Variants in COL5A1 observed in about 807,000 individuals in gnomAD.
COL5A1 encodes the protein collagen alpha-1(V) chain.
In COL5A1, 16 loss-of-function variants were observed where a neutral mutation model predicts 263.7. The ratio of observed to expected loss-of-function variants is 0.06; its 90% CI spans 0.04 to 0.09. The LOEUF is 0.09. COL5A1 is among the 10% of genes least tolerant of loss of function. The pLI, the probability that COL5A1 is intolerant of heterozygous loss-of-function variation, is 1.00. For missense variants in COL5A1, 2,036 were observed against 2,540.5 expected, an observed-to-expected ratio of 0.80 and a Z score of 4.27; for synonymous variants, 1,012 against 1,004.5, an observed-to-expected ratio of 1.01 and a Z score of -0.14.
In COL5A1 at chr9:134,759,477, CCA is replaced by C. The variant is rs547817958; in HGVS notation, c.1935+1189_1935+1190del. Among the ~76,000 whole-genome samples the C allele has an allele frequency of 1.5e-4, 15 of 102,766 alleles. 1 individual carries two copies. Among genetic ancestry groups the C allele is most frequent in the Non-Finnish European group, 2.3e-4 (13 of 55,908 alleles). The allele number at this position is 102,766 out of a possible 152,430, so 67.4% of individuals were successfully genotyped here. A position where few individuals can be genotyped will look rare whatever the true frequency, so the allele number is the denominator to read the frequency against. On this transcript the variant is annotated intron_variant, in intron 18 of 65. Transcript: ENST00000371817. Reference sequence around the variant, plus strand: ...CACTCATACATGCACGCACACACACCCACACACACCCACACTCATACACACAT... The same window carrying C: ...CACTCATACATGCACGCACACACACCCACACACCCACACTCATACACACAT...
At chr9:134,769,031 G>GT (rs1196686733) in intron 25 of COL5A1, among the ~76,000 whole-genome samples, 1 of 152,196 alleles carries the variant, frequency 6.6e-6, no homozygotes, top group Non-Finnish European at 1.5e-5. Context: ...GCGTGCACAC[G>GT]TGCGTGTACA....
rs886211499 is a variant in COL5A1, at chr9:134,738,770, A to G, written c.1456A>G (p.Met486Val). 12 of 1,613,642 alleles carry G rather than the reference A, an allele frequency of 7.4e-6. No homozygotes were observed. The highest frequency in any genetic ancestry group is 8.5e-6 in the Non-Finnish European group (10 of 1,179,680). Residue 486 changes from methionine to valine, a missense_variant, in exon 11 of 66, where the codon ATG (methionine) becomes GTG (valine). Physicochemically the swap from Met to Val is conservative, Grantham distance 21. Transcript: ENST00000371817. ...PAGLPGPPGT[M>V]GPTGQVGDPG... ...GGGTCTTCCCGGACCTCCAGGAACC[A>G]TGGGTCCCACTGGCCAAGTCGGGGA...
chr9:134,748,114 CACAG>C (rs761388640), intron 11 of COL5A1, among the ~76,000 whole-genome samples: 20 of 81,454 alleles, frequency 2.5e-4, no homozygotes, highest in East Asian at 4.3e-4. Flanking sequence ...CACATGCATA[CACAG>C]ACATGCATCC....
rs535416649 is a variant in COL5A1 at position 134,662,960 on chromosome 9, G to A, written c.109+20664G>A. Reference sequence around the variant, plus strand: ...TGCACAGCTACTGCCTGCTCTGTGAGCCTCCATGTTTGGAAATTTACTAAA... The same window carrying A: ...TGCACAGCTACTGCCTGCTCTGTGAACCTCCATGTTTGGAAATTTACTAAA... On this transcript the variant is annotated intron_variant, in intron 1 of 65. Transcript: ENST00000371817. Among the ~76,000 whole-genome samples, 5 of 152,326 alleles carry A rather than the reference G, an allele frequency of 3.3e-5. No individual in the cohort carries two copies. The East Asian group carries it at 9.6e-4, about 29-fold the overall frequency.
At chr9:134,781,884 G>A (rs1303780832) in intron 28 of COL5A1, among the ~76,000 whole-genome samples, 2 of 152,196 alleles carry the variant, frequency 1.3e-5, no homozygotes, top group East Asian at 3.9e-4. Flanking sequence ...GCCGGGCCTT[G>A]AATGTTTACG....
chr9:134,804,851 A>T (rs1333098426), intron 39 of COL5A1, 124 bp from the exon 40 acceptor site: 1 of 807,216 alleles, frequency 1.2e-6, no homozygotes, highest in African/African-American at 1.7e-5. Flanking sequence ...TCGCTCTGGG[A>T]CTGGTGAGAG....
chr9:134,750,398 A>T, intron 11 of COL5A1, 144 bp from the exon 12 acceptor site: 1 of 758,808 alleles, frequency 1.3e-6, no homozygotes, highest in Non-Finnish European at 2.3e-6. Context: ...TTTCTGAAAC[A>T]TTCCTGCCAC....
chr9:134,735,923 T>C (rs1035151588), intron 9 of COL5A1, among the ~76,000 whole-genome samples: 4 of 152,020 alleles, frequency 2.6e-5, no homozygotes, highest in African/African-American at 9.7e-5. Flanking sequence ...CAACCGGGAG[T>C]CCCCTCATCA....
intron 18 of COL5A1, among the ~76,000 whole-genome samples, chr9:134,760,914 C>T (rs1250813288): frequency 6.7e-6 from 1 of 150,350 alleles, no homozygotes; most frequent in African/African-American, 2.5e-5. Context: ...CACATGCACA[C>T]ACACACGTAC....
chr9:134,693,251 G>C (rs1242766826), intron 2 of COL5A1, among the ~76,000 whole-genome samples: 1 of 151,546 alleles, frequency 6.6e-6, no homozygotes, highest in Admixed American at 6.6e-5. Context: ...AGGTTACCGT[G>C]ACACAGTGAA....
chr9:134,730,502 G>A, intron 7 of COL5A1, 27 bp downstream of exon 7: 1 of 1,613,370 alleles, frequency 6.2e-7, no homozygotes, highest in Non-Finnish European at 8.5e-7. Flanking sequence ...CCATTGGTTT[G>A]GTCTGGGGCA....
intron 4 of COL5A1, among the ~76,000 whole-genome samples, chr9:134,719,762 G>A (rs995611660): frequency 6.6e-5 from 10 of 152,224 alleles, no homozygotes; most frequent in Admixed American, 1.3e-4. Flanking sequence ...GTAAGAGGAC[G>A]GAGGATGGGG....
chr9:134,763,882 C>T (rs1836557470), intron 20 of COL5A1, 145 bp downstream of exon 20: 1 of 797,004 alleles, frequency 1.3e-6, no homozygotes, highest in South Asian at 1.8e-5. Flanking sequence ...CTGGGCATCT[C>T]CCAGGGAAGC....
At chr9:134,810,535 G>C (rs1275786875) in intron 44 of COL5A1, 2 of 559,718 alleles carry the variant, frequency 3.6e-6, no homozygotes, top group Non-Finnish European at 6.3e-6. Context: ...AGCATCCACC[G>C]GTTTTGCGAA....
Position 134,805,525 on chromosome 9 carries a change from A to G in COL5A1, c.3258+311A>G, listed in dbSNP as rs564061435. ...GAGCAAGGAGAAAGCCTACACACCT[A>G]TCGTGGGTCTGGGCTGGGCCAGCAG... On this transcript the variant is annotated intron_variant, in intron 41 of 65. Coordinates refer to ENST00000371817, the MANE Select transcript of COL5A1 (RefSeq NM_000093.5). Among the ~76,000 whole-genome samples the G allele has an allele frequency of 7.2e-5, 11 of 152,088 alleles. No homozygotes were observed. The East Asian group carries it at 1.4e-3, about 19-fold the overall frequency.
intron 4 of COL5A1, among the ~76,000 whole-genome samples, chr9:134,710,560 G>GA (rs1833993932): frequency 7.5e-6 from 1 of 132,598 alleles, no homozygotes; most frequent in African/African-American, 2.8e-5. Context: ...GCAGTGGTGG[G>GA]GGGGCCCCAT....
rs903151049 is a variant in COL5A1 at position 134,681,492 on chromosome 9, G to C, written c.110-9420G>C. 6.6e-6 allele frequency among the ~76,000 whole-genome samples: 1 copy of C among 152,214 alleles called. No individual in the cohort carries two copies. The highest frequency in any genetic ancestry group is 2.4e-5 in the African/African-American group (1 of 41,456). ...GATATGGTTCCAGTGATGGGGCCAC[G>C]GGTGGGACCGGAATGGAGGCTGCCA... is the stretch of plus-strand genomic sequence containing the variant. On this transcript the variant is annotated intron_variant, in intron 1 of 65. Transcript: ENST00000371817. The surrounding 1 kb of genome is among the most constrained non-coding windows in gnomAD (Gnocchi z 4.3).
In COL5A1 at chr9:134,827,092, C is replaced by T. The variant is rs1049668309; in HGVS notation, c.5067+1188C>T. Among the ~76,000 whole-genome samples the T allele has an allele frequency of 3.3e-5, 5 of 152,312 alleles. No homozygotes were observed. In the East Asian group the frequency reaches 5.8e-4, roughly 18 times the overall value. On this transcript the variant is annotated intron_variant, in intron 63 of 65. Transcript: ENST00000371817. ...TTGTCGCGTGGCCCCAGGCAAAGGC[C>T]GCCCATTTCTGGGGCCGCAGCGGTT...
At position 134,682,192 on chromosome 9, in the gene COL5A1, G is replaced by A. The variant is rs1007924871; in HGVS notation, c.110-8720G>A. Among the ~76,000 whole-genome samples, 3 of 152,176 alleles carry A rather than the reference G, an allele frequency of 2.0e-5. No individual in the cohort carries two copies. The highest frequency in any genetic ancestry group is 2.9e-5 in the Non-Finnish European group (2 of 68,028). ...GCCAGGCAGAAATGCTGCCCTGTTC[G>A]GGCTGGGGGCTGGACTGGGTGTCCC... On this transcript the variant is annotated intron_variant, in intron 1 of 65. Coordinates refer to ENST00000371817, the MANE Select transcript of COL5A1 (RefSeq NM_000093.5). The surrounding 1 kb of genome is among the most constrained non-coding windows in gnomAD (Gnocchi z 5.1).
Sources: gnomAD v4.1 joint callset for allele counts (sites outside exome capture counted in the v4.1 genomes callset) on GRCh38, gnomAD v4.1.1 for gene constraint, Gnocchi (gnomAD v3.1) non-coding constraint, MANE v1.5 for transcripts, NCBI Gene and HGNC (gene_info 2026-07-23, HGNC 2026-07-21) for gene names.